Variants in DCC observed in about 807,000 individuals in gnomAD.
The protein encoded by DCC is DCC netrin 1 receptor.
DCC carries 58 observed loss-of-function variants against 172.5 expected under a neutral mutation model. The observed-to-expected ratio is 0.34, with a 90% CI of 0.27 to 0.42. The LOEUF (loss-of-function observed/expected upper bound fraction) is 0.42. Among genes scored for constraint, DCC ranks in the 10% least tolerant of loss-of-function variants. The probability of loss-of-function intolerance (pLI) is 1.00; values close to 1 mark genes in which losing one functional copy is unlikely to be tolerated. For missense variants in DCC, 1,740 were observed against 1,791.0 expected (o/e 0.97, Z 0.51); for synonymous variants, 709 against 644.5 (o/e 1.10, Z -1.52).
intron 12 of DCC, among the ~76,000 whole-genome samples, chr18:53,228,915 G>A (rs546815323): frequency 6.6e-4 from 101 of 152,162 alleles, no homozygotes; most frequent in Middle Eastern, 6.8e-3. Context: ...ACTAATTTAT[G>A]TTCAATTGTT....
intron 2 of DCC, among the ~76,000 whole-genome samples, chr18:52,825,941 A>G (rs929505286): frequency 2.0e-5 from 3 of 152,202 alleles, no homozygotes; most frequent in Admixed American, 6.5e-5. Flanking sequence ...GGGGGGAAAA[A>G]CAGCAGATAA....
intron 22 of DCC, among the ~76,000 whole-genome samples, chr18:53,450,223 T>C (rs1468400063): frequency 2.0e-5 from 3 of 151,962 alleles, no homozygotes; most frequent in African/African-American, 2.4e-5. Flanking sequence ...CATTTATCAG[T>C]CCATAGACAT....
chr18:53,277,659 C>A (rs1362888565), intron 12 of DCC, among the ~76,000 whole-genome samples: 1 of 152,130 alleles, frequency 6.6e-6, no homozygotes, highest in East Asian at 1.9e-4. Flanking sequence ...CTCCTCTCTT[C>A]CAAGGGACTG....
In DCC at chr18:53,207,792, T is replaced by C. The variant is rs2055677085; in HGVS notation, c.1836T>C (p.Asp612=). 6.2e-7 allele frequency: 1 copy of C among 1,612,702 alleles called. No individual in the cohort carries two copies. ...ATGGTCCGGGCGTCTCTACTGATGA[T>C]ATAACAGTGGTTACACTTTCTGACG... is the stretch of plus-strand genomic sequence containing the variant. ...NRYGPGVSTD[D]ITVVTLSDVP... is the part of the protein sequence containing the mutation. The change falls in exon 11 of 29, where the codon GAT becomes GAC. Residue 612 remains aspartate, a synonymous_variant. Transcript: ENST00000442544.
chr18:53,087,878 G>A (rs2042938736), intron 7 of DCC, among the ~76,000 whole-genome samples: 1 of 151,594 alleles, frequency 6.6e-6, no homozygotes, highest in Admixed American at 6.6e-5. Context: ...CCCATTGCTT[G>A]TTTTTCTCAG....
chr18:52,864,864 T>G (rs2145368344), intron 2 of DCC, among the ~76,000 whole-genome samples: 1 of 152,014 alleles, frequency 6.6e-6, no homozygotes, highest in Middle Eastern at 3.4e-3. Flanking sequence ...AACTCATCCT[T>G]TTTTTATTTT....
intron 5 of DCC, among the ~76,000 whole-genome samples, chr18:52,971,529 G>A (rs528218127): frequency 9.4e-5 from 14 of 149,474 alleles, no homozygotes; most frequent in South Asian, 8.7e-4. Flanking sequence ...ACACACACAC[G>A]CACGCACACA....
At chr18:53,476,314 C>T (rs1215973381) in intron 25 of DCC, among the ~76,000 whole-genome samples, 1 of 151,974 alleles carries the variant, frequency 6.6e-6, no homozygotes, top group Non-Finnish European at 1.5e-5. Flanking sequence ...TTGAGAGGGG[C>T]CAGGGGCAGA....
chr18:53,517,016 T>C (rs1215219440), intron 27 of DCC, among the ~76,000 whole-genome samples: 3 of 142,602 alleles, frequency 2.1e-5, no homozygotes, highest in African/African-American at 2.8e-5. Flanking sequence ...TATTGCGGCA[T>C]TATTCACAAT....
At chr18:53,383,495 A>T (rs1158234799) in intron 15 of DCC, among the ~76,000 whole-genome samples, 1 of 149,242 alleles carries the variant, frequency 6.7e-6, no homozygotes, top group African/African-American at 2.5e-5. Context: ...CCCATTTGAC[A>T]TGATTTTATT....
chr18:53,360,541 GA>G (rs1298802133), intron 15 of DCC, among the ~76,000 whole-genome samples: 12 of 151,540 alleles, frequency 7.9e-5, no homozygotes, highest in South Asian at 2.1e-4. Flanking sequence ...ATTGAAATGA[GA>G]AAAAAAAGTG....
At chr18:52,555,752 G>C (rs1006404612) in intron 1 of DCC, among the ~76,000 whole-genome samples, 2 of 152,066 alleles carry the variant, frequency 1.3e-5, no homozygotes, top group Non-Finnish European at 2.9e-5. Context: ...TCAAACAAAA[G>C]GATAGCATCT....
intron 14 of DCC, among the ~76,000 whole-genome samples, chr18:53,333,444 T>A (rs1789055217): frequency 6.6e-6 from 1 of 152,200 alleles, no homozygotes; most frequent in African/African-American, 2.4e-5. Context: ...TGTCAAAAGT[T>A]CCAACTGCCT....
chr18:52,845,901 T>C (rs1197755839), intron 2 of DCC, among the ~76,000 whole-genome samples: 1 of 150,940 alleles, frequency 6.6e-6, no homozygotes, highest in Non-Finnish European at 1.5e-5. Flanking sequence ...AAGTCCCTCC[T>C]TAGAGGTTAG....
chr18:53,208,913 T>G (rs570035739), intron 11 of DCC, among the ~76,000 whole-genome samples: 1 of 152,198 alleles, frequency 6.6e-6, no homozygotes, highest in Admixed American at 6.5e-5. Context: ...GTATTTTTAG[T>G]AGAGACAGAG....
chr18:52,758,871 C>T (rs1451808469), intron 2 of DCC: 1 of 152,108 alleles, frequency 6.6e-6, no homozygotes, highest in Admixed American at 6.6e-5. Flanking sequence ...CTTGAATACG[C>T]TCAGAATTCT....
chr18:53,140,197 AAAT>A (rs2043809322), intron 7 of DCC, among the ~76,000 whole-genome samples: 1 of 152,180 alleles, frequency 6.6e-6, no homozygotes, highest in African/African-American at 2.4e-5. Context: ...GTGTTTCTAT[AAAT>A]AAAACTATTT....
At chr18:53,065,577 C>T (rs565302494) in intron 6 of DCC, among the ~76,000 whole-genome samples, 33 of 152,242 alleles carry the variant, frequency 2.2e-4, no homozygotes, top group Non-Finnish European at 3.4e-4. Flanking sequence ...TCTGGGCAAA[C>T]GCTTCCAGAA....
chr18:52,396,966 C>T (rs1568149835), intron 1 of DCC, among the ~76,000 whole-genome samples: 1 of 152,048 alleles, frequency 6.6e-6, no homozygotes, highest in Non-Finnish European at 1.5e-5. Flanking sequence ...GGGTACTCAA[C>T]AAATGCTTTC....
Sources: gnomAD v4.1 joint callset for allele counts (sites outside exome capture counted in the v4.1 genomes callset) on GRCh38, gnomAD v4.1.1 for gene constraint, MANE v1.5 for transcripts, NCBI Gene and HGNC (gene_info 2026-07-23, HGNC 2026-07-21) for gene names.